Variants in B4GALT6 observed in about 807,000 individuals in gnomAD.
B4GALT6 encodes the protein beta-1,4-galactosyltransferase 6, also known as UDP-Gal:beta-GlcNAc beta-1,4-galactosyltransferase 6.
Under a neutral mutation model 46.3 loss-of-function variants are expected in B4GALT6, and 14 were observed. The ratio of observed to expected loss-of-function variants is 0.30; its 90% CI spans 0.20 to 0.47. The LOEUF is 0.47. Among genes scored for constraint, B4GALT6 ranks in the 20% least tolerant of loss-of-function variants. B4GALT6 has a pLI of 0.99. For missense variants in B4GALT6, 386 were observed against 480.1 expected (o/e 0.80, Z 1.83); for synonymous variants, 168 against 162.0 (o/e 1.04, Z -0.28).
At chr18:31,711,003 T>C in the B4GALT6 span, among the ~76,000 whole-genome samples, 1 of 152,236 alleles carries the variant, frequency 6.6e-6, no homozygotes, top group Non-Finnish European at 1.5e-5. Context: ...ACAGACTCCC[T>C]GGCTAGAAGA....
intron 4 of B4GALT6, among the ~76,000 whole-genome samples, chr18:31,643,963 C>A (rs1307754991): frequency 1.3e-5 from 2 of 152,072 alleles, no homozygotes; most frequent in African/African-American, 4.8e-5. Context: ...ACTCAGCACC[C>A]AAGTGTTAAA....
At chr18:31,650,070 G>A (rs903585467) in intron 3 of B4GALT6, among the ~76,000 whole-genome samples, 6 of 152,174 alleles carry the variant, frequency 3.9e-5, no homozygotes, top group African/African-American at 1.4e-4. Context: ...CTCTGACACT[G>A]CACCCTCTCA....
chr18:31,715,537 CTTTTTTTTT>C, the B4GALT6 span, among the ~76,000 whole-genome samples: 21 of 49,612 alleles, frequency 4.2e-4, 1 homozygote, highest in African/African-American at 1.7e-3. Context: ...CTGGAACTGT[CTTTTTTTTT>C]TTTTTTTTTT....
intron 3 of B4GALT6, among the ~76,000 whole-genome samples, chr18:31,653,960 T>C (rs2074108062): frequency 6.6e-6 from 1 of 152,202 alleles, no homozygotes. Flanking sequence ...GACAGTTTGT[T>C]ACATTAGCAT....
rs10657836 is a variant in B4GALT6 at position 31,631,200 on chromosome 18, C to CTTTTTTT, written c.589-61_589-55dup. 26 of 1,148,576 alleles carry CTTTTTTT rather than the reference C, an allele frequency of 2.3e-5. No individual in the cohort carries two copies. In the African/African-American group the frequency reaches 3.3e-4, roughly 15 times the overall value. The allele number at this position is 1,148,576 out of a possible 1,614,324, so 71.1% of individuals were successfully genotyped here. A position where few individuals can be genotyped will look rare whatever the true frequency, so the allele number is the denominator to read the frequency against. ...TAGAAATGTACTCACACTTCATCAT[C>CTTTTTTT]TTTTTTTTTTTTTTTCTTTTTTTTG... is the stretch of plus-strand genomic sequence containing the variant. On this transcript the variant is annotated intron_variant, in intron 5 of 8. Coordinates refer to ENST00000306851, the MANE Select transcript of B4GALT6 (RefSeq NM_004775.5).
At chr18:31,719,689 G>A in the B4GALT6 span, among the ~76,000 whole-genome samples, 1 of 152,192 alleles carries the variant, frequency 6.6e-6, no homozygotes, top group Admixed American at 6.5e-5. Flanking sequence ...AGTTTTTAAA[G>A]ATAATTTGGC....
intron 1 of B4GALT6, among the ~76,000 whole-genome samples, chr18:31,668,641 T>G (rs1464220785): frequency 2.6e-5 from 4 of 152,124 alleles, no homozygotes; most frequent in African/African-American, 7.2e-5. Context: ...CTGCAACAAC[T>G]GATATAGTGT....
intron 2 of B4GALT6, among the ~76,000 whole-genome samples, chr18:31,660,655 A>C (rs1425612000): frequency 6.6e-6 from 1 of 152,154 alleles, no homozygotes; most frequent in Non-Finnish European, 1.5e-5. Flanking sequence ...TCCCAGAAAG[A>C]TAGAAAGGAA....
chr18:31,635,573 C>CA (rs1188039719), intron 5 of B4GALT6, among the ~76,000 whole-genome samples: 3 of 151,774 alleles, frequency 2.0e-5, no homozygotes, highest in Non-Finnish European at 4.4e-5. Flanking sequence ...AGAAACAAAA[C>CA]AAAAAACAAA....
chr18:31,686,341 C>T (rs2029920087), upstream of B4GALT6: 1 of 152,162 alleles, frequency 6.6e-6, no homozygotes, highest in African/African-American at 2.4e-5. Context: ...TATGTATAAG[C>T]CCAAGCCTTT....
intron 1 of B4GALT6, among the ~76,000 whole-genome samples, chr18:31,679,997 G>T (rs1404078992): frequency 6.6e-6 from 1 of 152,088 alleles, no homozygotes; most frequent in Non-Finnish European, 1.5e-5. Flanking sequence ...TAAGACAATG[G>T]ACTGCATCGC....
Position 31,647,461 on chromosome 18 carries a change from G to T in B4GALT6, c.347-1982C>A, listed in dbSNP as rs192142272. Among the ~76,000 whole-genome samples the T allele has an allele frequency of 3.7e-3, 562 of 152,180 alleles. 3 individuals carry two copies. Among genetic ancestry groups the T allele is most frequent in the African/African-American group, 0.013 (542 of 41,514 alleles). On this transcript the variant is annotated intron_variant, in intron 3 of 8. Coordinates refer to ENST00000306851, the MANE Select transcript of B4GALT6 (RefSeq NM_004775.5). ...GTATCCTAAGTTCACACTCCTCGGG[G>T]TTGTGCACCTCCCCCACCCCATCCA...
intron 5 of B4GALT6, among the ~76,000 whole-genome samples, chr18:31,636,299 A>G (rs1324616794): frequency 3.9e-5 from 6 of 152,248 alleles, no homozygotes; most frequent in Non-Finnish European, 5.9e-5. Context: ...TCAAAATTTA[A>G]AACTTTTCAA....
the B4GALT6 span, among the ~76,000 whole-genome samples, chr18:31,700,647 G>A: frequency 1.3e-5 from 2 of 152,000 alleles, no homozygotes; most frequent in Non-Finnish European, 2.9e-5. Flanking sequence ...TAATAGAGAT[G>A]GGGTTTCACC....
At chr18:31,681,386 G>A (rs570787093) in intron 1 of B4GALT6, among the ~76,000 whole-genome samples, 1 of 152,346 alleles carries the variant, frequency 6.6e-6, no homozygotes, top group Non-Finnish European at 1.5e-5. Flanking sequence ...ACAGCAATCT[G>A]TCCATGGACT....
chr18:31,710,026 C>G, the B4GALT6 span, among the ~76,000 whole-genome samples: 4,015 of 149,884 alleles, frequency 0.027, 185 homozygotes, highest in African/African-American at 0.094. Flanking sequence ...ACCCGGGAGG[C>G]AGAGGTTGCA....
At chr18:31,701,681 G>A in the B4GALT6 span, among the ~76,000 whole-genome samples, 1 of 152,128 alleles carries the variant, frequency 6.6e-6, no homozygotes, top group Non-Finnish European at 1.5e-5. Context: ...AGGAGAAAGT[G>A]TGAATCTTTC....
chr18:31,673,190 C>T (rs2074376203), intron 1 of B4GALT6, among the ~76,000 whole-genome samples: 1 of 151,970 alleles, frequency 6.6e-6, no homozygotes, highest in Non-Finnish European at 1.5e-5. Flanking sequence ...AGGGGCAGTG[C>T]ACACCCAGGG....
At chr18:31,693,663 A>G in the B4GALT6 span, among the ~76,000 whole-genome samples, 1 of 152,158 alleles carries the variant, frequency 6.6e-6, no homozygotes, top group Non-Finnish European at 1.5e-5. Context: ...GACAAAAAAG[A>G]AGGCTTGAAA....
Sources: allele counts gnomAD v4.1 joint callset (sites outside exome capture counted in the v4.1 genomes callset), GRCh38; gene constraint gnomAD v4.1.1; transcripts MANE v1.5; gene names NCBI Gene and HGNC (gene_info 2026-07-23, HGNC 2026-07-21).